EYA4: variants seen among roughly 807,000 people sequenced by gnomAD.
EYA4 encodes EYA transcriptional coactivator and phosphatase 4.
EYA4 carries 31 observed loss-of-function variants against 87.9 expected under a neutral mutation model. The ratio of observed to expected loss-of-function variants is 0.35; its 90% CI spans 0.27 to 0.48. The LOEUF (loss-of-function observed/expected upper bound fraction) is 0.48, where lower values mean the gene tolerates loss of function less well. Ranked by LOEUF, EYA4 falls within the 20% of genes least tolerant of loss-of-function variation. EYA4 has a pLI of 0.99. For synonymous variants in EYA4, 263 were observed against 270.6 expected, an observed-to-expected ratio of 0.97 and a Z score of 0.28; for missense variants, 678 against 761.4, an observed-to-expected ratio of 0.89 and a Z score of 1.29.
chr6:133,465,951 T>C (rs1285384653), intron 10 of EYA4, among the ~76,000 whole-genome samples: 2 of 152,138 alleles, frequency 1.3e-5, no homozygotes, highest in Non-Finnish European at 2.9e-5. Flanking sequence ...AGTGTATACA[T>C]TTTATTTTTT....
chr6:133,524,147 A>C (rs1159759545), intron 18 of EYA4, among the ~76,000 whole-genome samples: 1 of 152,142 alleles, frequency 6.6e-6, no homozygotes, highest in Non-Finnish European at 1.5e-5. Flanking sequence ...TTTTAATCTA[A>C]ATGTGTGTAT....
intron 10 of EYA4, among the ~76,000 whole-genome samples, chr6:133,466,296 A>C (rs1415761318): frequency 6.6e-6 from 1 of 152,192 alleles, no homozygotes; most frequent in African/African-American, 2.4e-5. Flanking sequence ...GAAAAGAGTT[A>C]ATCATAGAAC....
chr6:133,326,871 C>T (rs114980620), intron 2 of EYA4, among the ~76,000 whole-genome samples: 487 of 152,252 alleles, frequency 3.2e-3, no homozygotes, highest in African/African-American at 0.011. Flanking sequence ...ATCTCTTGGC[C>T]GTTACTAGGC....
At chr6:133,290,456 G>GA (rs1469560970) in intron 2 of EYA4, among the ~76,000 whole-genome samples, 1 of 152,164 alleles carries the variant, frequency 6.6e-6, no homozygotes, top group Non-Finnish European at 1.5e-5. Flanking sequence ...GACATGATGT[G>GA]AAAGGGGTAG....
intron 14 of EYA4, among the ~76,000 whole-genome samples, chr6:133,511,030 T>C (rs1206163108): frequency 6.6e-6 from 1 of 152,174 alleles, no homozygotes; most frequent in Admixed American, 6.5e-5. Context: ...TATTCAAAAC[T>C]TACTAACCCT....
chr6:133,343,060 A>G (rs954712377), intron 2 of EYA4, among the ~76,000 whole-genome samples: 5 of 152,062 alleles, frequency 3.3e-5, no homozygotes, highest in Non-Finnish European at 7.4e-5. Context: ...TAATTTATAC[A>G]TGGCTCAGAA....
rs1800831200 is a variant in EYA4 at position 133,528,716 on chromosome 6, AC to A, written c.1840-7del. Reference sequence around the variant, plus strand: ...CTCTCTCCCATCCCTCCTTCTCCTAACCACACAGCACAACATGCCCTTCTGG... The same window carrying A: ...CTCTCTCCCATCCCTCCTTCTCCTAACACACAGCACAACATGCCCTTCTGG... On this transcript the variant is annotated splice_polypyrimidine_tract_variant and splice_region_variant and intron_variant, in intron 19 of 19. Coordinates refer to ENST00000355286, the MANE Select transcript of EYA4 (RefSeq NM_004100.5). 1.2e-6 allele frequency: 2 copies of A among 1,603,688 alleles called. No individual in the cohort carries two copies. The highest frequency in any genetic ancestry group is 1.7e-6 in the Non-Finnish European group (2 of 1,171,068).
At chr6:133,370,997 A>G (rs899987384) in intron 2 of EYA4, among the ~76,000 whole-genome samples, 1 of 152,150 alleles carries the variant, frequency 6.6e-6, no homozygotes, top group African/African-American at 2.4e-5. Flanking sequence ...AGGCTTTGGT[A>G]TGCTTTGGTT....
upstream of EYA4, chr6:133,240,712 A>G (rs1043029772): frequency 1.3e-5 from 2 of 152,350 alleles, no homozygotes; most frequent in Non-Finnish European, 2.9e-5. Context: ...TTAGTCCTTC[A>G]TAACATATAT....
At chr6:133,480,231 A>C (rs1029077928) in intron 11 of EYA4, among the ~76,000 whole-genome samples, 1 of 152,192 alleles carries the variant, frequency 6.6e-6, no homozygotes, top group South Asian at 2.1e-4. Flanking sequence ...AGGAGAGTGC[A>C]AGGTATCAGC....
At chr6:133,466,103 A>G (rs903443473) in intron 10 of EYA4, among the ~76,000 whole-genome samples, 1 of 152,068 alleles carries the variant, frequency 6.6e-6, no homozygotes, top group African/African-American at 2.4e-5. Context: ...CCTGCTCTTT[A>G]GAAGGATTCA....
intron 2 of EYA4, among the ~76,000 whole-genome samples, chr6:133,362,882 A>G (rs1784559497): frequency 6.6e-6 from 1 of 152,234 alleles, no homozygotes; most frequent in Non-Finnish European, 1.5e-5. Flanking sequence ...GGAGGAAAGA[A>G]TGGAGCTGGG....
intron 3 of EYA4, among the ~76,000 whole-genome samples, chr6:133,403,004 CTAA>C (rs1788396962): frequency 6.6e-6 from 1 of 152,116 alleles, no homozygotes; most frequent in African/African-American, 2.4e-5. Context: ...TATCATGGGG[CTAA>C]TAACAATGCC....
At chr6:133,387,935 A>G (rs997947567) in intron 3 of EYA4, among the ~76,000 whole-genome samples, 3 of 152,094 alleles carry the variant, frequency 2.0e-5, no homozygotes, top group East Asian at 3.9e-4. Context: ...TCCTGCAGAT[A>G]TGGATGCAGA....
chr6:133,312,344 C>G (rs918015699), intron 2 of EYA4, among the ~76,000 whole-genome samples: 4 of 151,414 alleles, frequency 2.6e-5, no homozygotes, highest in African/African-American at 9.7e-5. Context: ...AGGTTCAAGT[C>G]TTGGTGGTAC....
intron 2 of EYA4, among the ~76,000 whole-genome samples, chr6:133,280,849 C>T (rs1359079026): frequency 6.6e-6 from 1 of 152,118 alleles, no homozygotes; most frequent in Non-Finnish European, 1.5e-5. Flanking sequence ...AGATCCCATG[C>T]CCATTAGCAC....
At chr6:133,487,654 G>A (rs1796793385) in intron 13 of EYA4, among the ~76,000 whole-genome samples, 1 of 152,066 alleles carries the variant, frequency 6.6e-6, no homozygotes, top group South Asian at 2.1e-4. Context: ...TGAAGGGAAG[G>A]ATCCAATCTT....
At chr6:133,339,521 G>C (rs965143364) in intron 2 of EYA4, among the ~76,000 whole-genome samples, 12 of 152,166 alleles carry the variant, frequency 7.9e-5, no homozygotes, top group African/African-American at 2.4e-4. Flanking sequence ...AGCAGAGGTT[G>C]TCCCTGGAGA....
At position 133,253,535 on chromosome 6, in the gene EYA4, A is replaced by G. The variant is rs548646824; in HGVS notation, c.-66+11786A>G. On this transcript the variant is annotated intron_variant, in intron 1 of 19. Transcript: ENST00000355286. ...TACTTATGAACATTTTATTTCTTAT[A>G]ATGCCGTCAGTCACTTCCTTTTTTC... is the stretch of plus-strand genomic sequence containing the variant. Among the ~76,000 whole-genome samples the G allele has an allele frequency of 2.0e-5, 3 of 152,130 alleles. No individual in the cohort carries two copies. In the East Asian group the frequency reaches 5.8e-4, roughly 29 times the overall value.
Sources: allele counts gnomAD v4.1 joint callset (sites outside exome capture counted in the v4.1 genomes callset), GRCh38; gene constraint gnomAD v4.1.1; transcripts MANE v1.5; gene names NCBI Gene and HGNC (gene_info 2026-07-23, HGNC 2026-07-21).